TNKS: variants seen among roughly 807,000 people sequenced by gnomAD.
TNKS encodes the protein poly [ADP-ribose] polymerase tankyrase-1.
A neutral mutation model predicts 135.8 loss-of-function variants in TNKS; 72 were observed. That is an observed-to-expected ratio of 0.53 (90% CI 0.44 to 0.64). The LOEUF is 0.64. Ranked by LOEUF, TNKS falls within the 30% of genes least tolerant of loss-of-function variation. TNKS has a pLI of 0.00. For missense variants in TNKS, 1,769 were observed against 1,674.0 expected (o/e 1.06, Z -0.99); for synonymous variants, 849 against 649.3 (o/e 1.31, Z -4.68).
rs1294988221 is a variant in TNKS, at chr8:9,779,968, A to G, written c.*3232A>G. On this transcript the variant is annotated 3_prime_UTR_variant, in exon 27 of 27. Coordinates refer to ENST00000310430, the MANE Select transcript of TNKS (RefSeq NM_003747.3). ...CTTTGAGCTTGATGTTAGTGGCTAG[A>G]CTGATTTCCCTTTGCTCTCAAAATA... 2.0e-5 allele frequency: 3 copies of G among 152,256 alleles called. No homozygotes were observed. Among genetic ancestry groups the G allele is most frequent in the Non-Finnish European group, 4.4e-5 (3 of 68,040 alleles). The allele number at this position is 152,256 out of a possible 1,614,324, so 9.4% of individuals were successfully genotyped here.
intron 3 of TNKS, among the ~76,000 whole-genome samples, chr8:9,661,955 C>T (rs1801737090): frequency 6.6e-6 from 1 of 152,214 alleles, no homozygotes; most frequent in Non-Finnish European, 1.5e-5. Flanking sequence ...CAAAAGAAGA[C>T]ATTTATGCAG....
chr8:9,764,867 TTTA>T lies in TNKS; in HGVS notation c.3447+81_3447+83del, dbSNP rs1337908133. The T allele has an allele frequency of 1.2e-5, 14 of 1,185,704 alleles. No homozygotes were observed. The Admixed American group carries it at 1.8e-4, about 15-fold the overall frequency. 73.4% of individuals were successfully genotyped at this position (1,185,704 alleles called of 1,614,324 possible). On this transcript the variant is annotated intron_variant, in intron 23 of 26. Coordinates refer to ENST00000310430, the MANE Select transcript of TNKS (RefSeq NM_003747.3). Reference sequence around the variant, plus strand: ...AACCAAATCTAGACAATGAAAAAAGTTTATTAAGTCATATTTTCAAACTGTGAA... The same window carrying T: ...AACCAAATCTAGACAATGAAAAAAGTTTAAGTCATATTTTCAAACTGTGAA...
chr8:9,650,254 T>C (rs1324816319), intron 3 of TNKS, among the ~76,000 whole-genome samples: 1 of 152,166 alleles, frequency 6.6e-6, no homozygotes, highest in Non-Finnish European at 1.5e-5. Context: ...CCATATTTTT[T>C]GCAGTTGCAA....
chr8:9,679,461 A>C (rs1310714060), intron 3 of TNKS, among the ~76,000 whole-genome samples: 1 of 152,182 alleles, frequency 6.6e-6, no homozygotes, highest in African/African-American at 2.4e-5. Flanking sequence ...ATAAAGCTCA[A>C]CAATAGTAAT....
At chr8:9,743,112 A>C (rs1806054068) in intron 17 of TNKS, among the ~76,000 whole-genome samples, 1 of 152,176 alleles carries the variant, frequency 6.6e-6, no homozygotes, top group African/African-American at 2.4e-5. Flanking sequence ...TGATGCTTGA[A>C]CTAGCCTGGC....
chr8:9,624,032 CAACAACAAA>C (rs932112653), intron 3 of TNKS, among the ~76,000 whole-genome samples: 1 of 151,994 alleles, frequency 6.6e-6, no homozygotes, highest in African/African-American at 2.4e-5. Flanking sequence ...ACAACAACAA[CAACAACAAA>C]AAACAACTAA....
intron 2 of TNKS, among the ~76,000 whole-genome samples, chr8:9,600,844 C>G (rs1563107617): frequency 6.6e-6 from 1 of 152,100 alleles, no homozygotes; most frequent in Non-Finnish European, 1.5e-5. Flanking sequence ...TTGAAATAAT[C>G]CCTTCACTAT....
chr8:9,721,863 C>T (rs1477065894), intron 12 of TNKS, among the ~76,000 whole-genome samples: 1 of 148,310 alleles, frequency 6.7e-6, no homozygotes, highest in Non-Finnish European at 1.5e-5. Flanking sequence ...ACCACCTTGG[C>T]CAACATGGTG....
intron 18 of TNKS, 99 bp from the exon 19 acceptor site, chr8:9,751,510 A>C: frequency 9.0e-7 from 1 of 1,110,748 alleles, no homozygotes; most frequent in South Asian, 1.5e-5. Context: ...TGAGGCATTC[A>C]TTAAGGAAAA....
At chr8:9,694,258 C>T (rs1004422843) in intron 5 of TNKS, among the ~76,000 whole-genome samples, 1 of 152,108 alleles carries the variant, frequency 6.6e-6, no homozygotes, top group Non-Finnish European at 1.5e-5. Context: ...CAATAACTCT[C>T]ATTCATTCTT....
intron 2 of TNKS, among the ~76,000 whole-genome samples, chr8:9,601,296 G>A (rs6984724): frequency 2.6e-5 from 4 of 151,964 alleles, no homozygotes; most frequent in African/African-American, 9.7e-5. Flanking sequence ...TTTAAAACAT[G>A]AACTTTAAAT....
chr8:9,616,331 T>C (rs1799644240), intron 3 of TNKS, among the ~76,000 whole-genome samples: 1 of 152,174 alleles, frequency 6.6e-6, no homozygotes, highest in African/African-American at 2.4e-5. Flanking sequence ...GCTCTAAGTG[T>C]TTTCATTGAT....
intron 3 of TNKS, among the ~76,000 whole-genome samples, chr8:9,638,395 C>A (rs775836908): frequency 6.6e-6 from 1 of 152,190 alleles, no homozygotes; most frequent in African/African-American, 2.4e-5. Context: ...GTGAATGCTA[C>A]TTTGAATTAT....
At chr8:9,571,286 C>A (rs1430702426) in intron 1 of TNKS, among the ~76,000 whole-genome samples, 1 of 152,134 alleles carries the variant, frequency 6.6e-6, no homozygotes, top group Non-Finnish European at 1.5e-5. Flanking sequence ...GTTTCTTAAC[C>A]TGTATCTAAG....
Position 9,776,773 on chromosome 8 carries a change from C to T in TNKS, c.*37C>T, listed in dbSNP as rs202229629. On this transcript the variant is annotated 3_prime_UTR_variant, in exon 27 of 27. Transcript: ENST00000310430. ...TGGTGAAGGCCAGATCAGATTTCAA[C>T]CTGGGACTGGATTACAGAGGATTGT... 525 of 1,575,768 alleles carry T rather than the reference C, an allele frequency of 3.3e-4. 3 individuals are homozygous for T. The African/African-American group carries it at 6.5e-3, about 20-fold the overall frequency.
intron 12 of TNKS, among the ~76,000 whole-genome samples, chr8:9,720,847 A>G (rs1263456578): frequency 6.6e-6 from 1 of 152,232 alleles, no homozygotes; most frequent in Non-Finnish European, 1.5e-5. Context: ...TATAAAATCT[A>G]TCAAATAGAG....
intron 20 of TNKS, among the ~76,000 whole-genome samples, chr8:9,760,799 AAACT>A (rs1458223545): frequency 6.6e-6 from 1 of 152,224 alleles, no homozygotes; most frequent in Non-Finnish European, 1.5e-5. Flanking sequence ...CAAAAGTTAA[AAACT>A]AACCAAAAAT....
chr8:9,729,771 C>CTTTTTT (rs763357075), intron 13 of TNKS, among the ~76,000 whole-genome samples: 37 of 95,016 alleles, frequency 3.9e-4, no homozygotes, highest in Admixed American at 7.7e-4. Flanking sequence ...ATATGATATT[C>CTTTTTT]TTTTTTTTTT....
At chr8:9,704,366 A>C (rs1241357605) in intron 5 of TNKS, among the ~76,000 whole-genome samples, 2 of 152,190 alleles carry the variant, frequency 1.3e-5, no homozygotes, top group African/African-American at 4.8e-5. Context: ...TTCTCAGAAC[A>C]GTGAGAATGT....
Sources: allele counts gnomAD v4.1 joint callset (sites outside exome capture counted in the v4.1 genomes callset), GRCh38; gene constraint gnomAD v4.1.1; transcripts MANE v1.5; gene names NCBI Gene and HGNC (gene_info 2026-07-23, HGNC 2026-07-21).